The following PHETA1 variants were observed in gnomAD, a reference collection of about 807,000 sequenced individuals.
PHETA1 encodes PH domain containing endocytic trafficking adaptor 1, also known as sesquipedalian-1.
For synonymous variants in PHETA1, 155 were observed against 168.9 expected, an observed-to-expected ratio of 0.92 and a Z score of 0.64; for missense variants, 348 against 373.5, an observed-to-expected ratio of 0.93 and a Z score of 0.56.
chr12:111,361,895 G>A lies in PHETA1; in HGVS notation c.*783C>T. ...CCAGGCCTAGGGGCCAAGACTGAAG[G>A]ATGCAGTCAAGGAGTGTCTGGAGAG... On this transcript the variant is annotated 3_prime_UTR_variant, in exon 3 of 3. Coordinates refer to ENST00000683047, the MANE Select transcript of PHETA1 (RefSeq NM_144671.6). 2.2e-6 allele frequency: 1 copy of A among 456,128 alleles called. No individual in the cohort carries two copies. The highest frequency in any genetic ancestry group is 4.4e-6 in the Non-Finnish European group (1 of 226,892). 28.3% of individuals were successfully genotyped at this position (456,128 alleles called of 1,614,324 possible).
In PHETA1 at chr12:111,368,171, C is replaced by T. The variant is rs1041650297; in HGVS notation, c.-182+741G>A. ...TCCCTCTAAGGGCTGAGTGAATTGA[C>T]TCCTGAAGAGTCATTTTGCAAAATA... On this transcript the variant is annotated intron_variant, in intron 1 of 2. Coordinates refer to ENST00000683047, the MANE Select transcript of PHETA1 (RefSeq NM_144671.6). The surrounding 1 kb of genome is among the most constrained non-coding windows in gnomAD (Gnocchi z 5.0). Among the ~76,000 whole-genome samples the T allele has an allele frequency of 5.9e-5, 9 of 152,324 alleles. 1 individual carries two copies. Among genetic ancestry groups the T allele is most frequent in the Admixed American group, 2.0e-4 (3 of 15,294 alleles).
At position 111,361,969 on chromosome 12, in the gene PHETA1, G is replaced by A. The variant is rs999856682; in HGVS notation, c.*709C>T. ...CACAGACAGGGCCCGCGGCCAGAGA[G>A]CCACTGCCACCAGGAGCACCACCAT... is the stretch of plus-strand genomic sequence containing the variant. On this transcript the variant is annotated 3_prime_UTR_variant, in exon 3 of 3. Coordinates refer to ENST00000683047, the MANE Select transcript of PHETA1 (RefSeq NM_144671.6). 2.6e-5 allele frequency: 12 copies of A among 455,992 alleles called. No homozygotes were observed. The highest frequency in any genetic ancestry group is 4.0e-5 in the African/African-American group (2 of 50,066). 28.2% of individuals were successfully genotyped at this position (455,992 alleles called of 1,614,324 possible). A position where few individuals can be genotyped will look rare whatever the true frequency, so the allele number is the denominator to read the frequency against.
At chr12:111,364,695 C>T (rs1868917600) in intron 2 of PHETA1, among the ~76,000 whole-genome samples, 1 of 150,808 alleles carries the variant, frequency 6.6e-6, no homozygotes, top group Admixed American at 6.7e-5. Context: ...ACCCAAGAGG[C>T]GGAGGTTGCA....
rs1174128986 is a variant in PHETA1 at position 111,363,193 on chromosome 12, A to AG, written c.234dup (p.Phe79LeufsTer18). The AG allele has an allele frequency of 9.9e-6, 16 of 1,612,874 alleles. No homozygotes were observed. Among genetic ancestry groups the AG allele is most frequent in the African/African-American group, 1.3e-5 (1 of 74,932 alleles). ...CGGGTCCCCGCAAAGCGCACAGCGA[A>AG]GGCGAACTCCTCGGCGGCCTCCACC... is the stretch of plus-strand genomic sequence containing the variant. On this transcript the variant is annotated frameshift_variant, in exon 3 of 3. Transcript: ENST00000683047. LOFTEE classifies it low-confidence loss of function (END_TRUNC). The surrounding 1 kb of genome is among the most constrained non-coding windows in gnomAD (Gnocchi z 7.4).
In PHETA1 at chr12:111,363,867, G is replaced by T; in HGVS notation, c.-36-404C>A. 1.5e-6 allele frequency: 1 copy of T among 688,772 alleles called. No homozygotes were observed. Among genetic ancestry groups the T allele is most frequent in the Non-Finnish European group, 2.1e-6 (1 of 479,218 alleles). 42.7% of individuals were successfully genotyped at this position (688,772 alleles called of 1,614,324 possible). On this transcript the variant is annotated intron_variant, in intron 2 of 2. Transcript: ENST00000683047. The surrounding 1 kb of genome is among the most constrained non-coding windows in gnomAD (Gnocchi z 7.4). The stretch of plus-strand genomic sequence containing the variant: ...CTGCTTCCCTGGTGTCACAAAGCAG[G>T]TTGGGCAGGGCTGAAATCCAAACCC...
chr12:111,365,355 C>T (rs1868966883), intron 2 of PHETA1, among the ~76,000 whole-genome samples: 1 of 152,204 alleles, frequency 6.6e-6, no homozygotes. Flanking sequence ...TGGTGGCTCT[C>T]CTGGGAGCAG....
Position 111,362,348 on chromosome 12 carries a change from T to C in PHETA1, c.*330A>G. 1 of 543,276 alleles carries C rather than the reference T, an allele frequency of 1.8e-6. No individual in the cohort carries two copies. Among genetic ancestry groups the C allele is most frequent in the South Asian group, 2.1e-5 (1 of 47,416 alleles). 33.7% of individuals were successfully genotyped at this position (543,276 alleles called of 1,614,324 possible). ...TCTGAGCTGCAGGCCCGGCAATGCC[T>C]GTTGCCAGCACAGGCCTCTGCCCGG... On this transcript the variant is annotated 3_prime_UTR_variant, in exon 3 of 3. Transcript: ENST00000683047.
rs1869131872 is a variant in PHETA1 at position 111,367,997 on chromosome 12, T to G, written c.-182+915A>C. ...ACCTTTCCAAGTCTCAGTGTCCTCA[T>G]CTGTTAAATTGGGCTGTGTGGCGAG... On this transcript the variant is annotated intron_variant, in intron 1 of 2. Transcript: ENST00000683047. The surrounding 1 kb of genome is among the most constrained non-coding windows in gnomAD (Gnocchi z 4.0). 6.6e-6 allele frequency among the ~76,000 whole-genome samples: 1 copy of G among 152,186 alleles called. No homozygotes were observed. Among genetic ancestry groups the G allele is most frequent in the Non-Finnish European group, 1.5e-5 (1 of 68,030 alleles).
In PHETA1 at chr12:111,362,819, G is replaced by A. The variant is rs1421644132; in HGVS notation, c.609C>T (p.Pro203=). ...TEATFRPGPE[P]PPPPPRRRAS... is the part of the protein sequence containing the mutation. ...CCCGGCGGCGAGGCGGTGGTGGAGG[G>A]GGCTCGGGTCCAGGCCTGAAGGTGG... The change falls in exon 3 of 3, where the codon CCC becomes CCT. Residue 203 remains proline, a synonymous_variant. Coordinates refer to ENST00000683047, the MANE Select transcript of PHETA1 (RefSeq NM_144671.6). 6.5e-7 allele frequency: 1 copy of A among 1,538,946 alleles called. No individual in the cohort carries two copies. The highest frequency in any genetic ancestry group is 8.7e-7 in the Non-Finnish European group (1 of 1,145,624).
chr12:111,361,855 A>G lies in PHETA1; in HGVS notation c.*823T>C. The G allele has an allele frequency of 2.2e-6, 1 of 455,672 alleles. No homozygotes were observed. Among genetic ancestry groups the G allele is most frequent in the Non-Finnish European group, 4.4e-6 (1 of 226,588 alleles). 28.2% of individuals were successfully genotyped at this position (455,672 alleles called of 1,614,324 possible). On this transcript the variant is annotated 3_prime_UTR_variant, in exon 3 of 3. Coordinates refer to ENST00000683047, the MANE Select transcript of PHETA1 (RefSeq NM_144671.6). The stretch of plus-strand genomic sequence containing the variant: ...CCAGCCCAGGAAGGGAGGTCAGGCA[A>G]GCTCCCAAGGGGCCCCAGGCCTAGG...
At position 111,368,926 on chromosome 12, in the gene PHETA1, C is replaced by G. The variant is rs1869189845; in HGVS notation, c.-196G>C. On this transcript the variant is annotated 5_prime_UTR_variant, in exon 1 of 3. The change abolishes the stop of an existing upstream ORF in the 5' untranslated region. Transcript: ENST00000683047. This position sits in a 1 kb window ranked among gnomAD's most constrained non-coding sequence, Gnocchi z 5.0. ...GCCCGCCTTACCTCGCAGCGCAGGCCTAGGGCGGCGACGGGACGGGAGGCG... is the reference window on the plus strand; with the variant it reads ...GCCCGCCTTACCTCGCAGCGCAGGCGTAGGGCGGCGACGGGACGGGAGGCG... 1 of 152,500 alleles carries G rather than the reference C, an allele frequency of 6.6e-6. No individual in the cohort carries two copies. The highest frequency in any genetic ancestry group is 2.4e-5 in the African/African-American group (1 of 41,472). 9.4% of individuals were successfully genotyped at this position (152,500 alleles called of 1,614,324 possible). A position where few individuals can be genotyped will look rare whatever the true frequency, so the allele number is the denominator to read the frequency against.
chr12:111,363,830 C>CAG lies in PHETA1; in HGVS notation c.-36-369_-36-368dup. On this transcript the variant is annotated intron_variant, in intron 2 of 2. Coordinates refer to ENST00000683047, the MANE Select transcript of PHETA1 (RefSeq NM_144671.6). This position sits in a 1 kb window ranked among gnomAD's most constrained non-coding sequence, Gnocchi z 7.4. ...TGCAACAGATGAGGAAACAGAGGCA[C>CAG]AGAGAGGTTAACTGCTTCCCTGGTG... 9.3e-7 allele frequency: 1 copy of CAG among 1,072,698 alleles called. No individual in the cohort carries two copies. The highest frequency in any genetic ancestry group is 1.2e-6 in the Non-Finnish European group (1 of 806,538). 66.4% of individuals were successfully genotyped at this position (1,072,698 alleles called of 1,614,324 possible). A position where few individuals can be genotyped will look rare whatever the true frequency, so the allele number is the denominator to read the frequency against.
Position 111,363,624 on chromosome 12 carries a change from A to G in PHETA1, c.-36-161T>C, listed in dbSNP as rs1156882546. The G allele has an allele frequency of 1.3e-6, 2 of 1,534,594 alleles. No individual in the cohort carries two copies. Among genetic ancestry groups the G allele is most frequent in the Middle Eastern group, 1.7e-4 (1 of 5,988 alleles). ...GGCCTATGCGCCCACAACTCCTAAGAAGCAGAGACAGGACTGGAACCTGGG... is the reference window on the plus strand; with the variant it reads ...GGCCTATGCGCCCACAACTCCTAAGGAGCAGAGACAGGACTGGAACCTGGG... On this transcript the variant is annotated intron_variant, in intron 2 of 2. Transcript: ENST00000683047. The surrounding 1 kb of genome is among the most constrained non-coding windows in gnomAD (Gnocchi z 7.4).
chr12:111,367,646 G>A lies in PHETA1; in HGVS notation c.-182+1266C>T, dbSNP rs1193823997. On this transcript the variant is annotated intron_variant, in intron 1 of 2. Coordinates refer to ENST00000683047, the MANE Select transcript of PHETA1 (RefSeq NM_144671.6). This position sits in a 1 kb window ranked among gnomAD's most constrained non-coding sequence, Gnocchi z 4.0. ...TCCTGCTCAGCAACCCTCCTCCCCC[G>A]ACTGCCTAGATAGAGGCCAAACTGG... Among the ~76,000 whole-genome samples the A allele has an allele frequency of 6.6e-6, 1 of 152,282 alleles. No individual in the cohort carries two copies. The highest frequency in any genetic ancestry group is 2.4e-5 in the African/African-American group (1 of 41,566).
At position 111,367,020 on chromosome 12, in the gene PHETA1, CAA is replaced by C. The variant is rs925270790; in HGVS notation, c.-181-765_-181-764del. On this transcript the variant is annotated intron_variant, in intron 1 of 2. Coordinates refer to ENST00000683047, the MANE Select transcript of PHETA1 (RefSeq NM_144671.6). This position sits in a 1 kb window ranked among gnomAD's most constrained non-coding sequence, Gnocchi z 4.0. ...GGGGTGACATAGTGAGATTCTGTCT[CAA>C]AAAAAAAAAAAAAAAAATCCAAGCC... Among the ~76,000 whole-genome samples, 94 of 108,662 alleles carry C rather than the reference CAA, an allele frequency of 8.7e-4. No homozygotes were observed. Among genetic ancestry groups the C allele is most frequent in the African/African-American group, 1.8e-3 (55 of 29,908 alleles). 71.3% of individuals were successfully genotyped at this position (108,662 alleles called of 152,430 possible). A position where few individuals can be genotyped will look rare whatever the true frequency, so the allele number is the denominator to read the frequency against.
Position 111,367,057 on chromosome 12 carries a change from T to C in PHETA1, c.-181-800A>G, listed in dbSNP as rs1484906882. 6.6e-6 allele frequency among the ~76,000 whole-genome samples: 1 copy of C among 150,974 alleles called. No homozygotes were observed. The highest frequency in any genetic ancestry group is 1.9e-4 in the East Asian group (1 of 5,160). Reference sequence around the variant, plus strand: ...AAAAAAAATCCAAGCCTCCCTTGGCTTCCAAGTTCCCTTTCCCTACCTCTT... The same window carrying C: ...AAAAAAAATCCAAGCCTCCCTTGGCCTCCAAGTTCCCTTTCCCTACCTCTT... On this transcript the variant is annotated intron_variant, in intron 1 of 2. Transcript: ENST00000683047. This position sits in a 1 kb window ranked among gnomAD's most constrained non-coding sequence, Gnocchi z 4.0.
In PHETA1 at chr12:111,363,488, T is replaced by C. The variant is rs1308468072; in HGVS notation, c.-36-25A>G. The C allele has an allele frequency of 1.3e-6, 2 of 1,576,742 alleles. No individual in the cohort carries two copies. Among genetic ancestry groups the C allele is most frequent in the Non-Finnish European group, 1.7e-6 (2 of 1,162,868 alleles). On this transcript the variant is annotated intron_variant, in intron 2 of 2. Transcript: ENST00000683047. The surrounding 1 kb of genome is among the most constrained non-coding windows in gnomAD (Gnocchi z 7.4). Reference sequence around the variant, plus strand: ...CCTGGACCCCATAGAAGGGCTGTTATGCACAAGGCCACTGACGCTAGGTCA... The same window carrying C: ...CCTGGACCCCATAGAAGGGCTGTTACGCACAAGGCCACTGACGCTAGGTCA...
Position 111,362,668 on chromosome 12 carries a change from C to G in PHETA1, c.*10G>C. ...GCTTGTGTCCCCCTAAAACAGGCGCCCTGGTGGCCTCAGGGCTGGACCCGG... is the reference window on the plus strand; with the variant it reads ...GCTTGTGTCCCCCTAAAACAGGCGCGCTGGTGGCCTCAGGGCTGGACCCGG... On this transcript the variant is annotated 3_prime_UTR_variant, in exon 3 of 3. Transcript: ENST00000683047. 6.5e-7 allele frequency: 1 copy of G among 1,549,346 alleles called. No homozygotes were observed. The highest frequency in any genetic ancestry group is 2.4e-5 in the East Asian group (1 of 40,914).
In PHETA1 at chr12:111,362,014, T is replaced by C. The variant is rs375304309; in HGVS notation, c.*664A>G. ...CACCATGAGGCCTGGCAGGGGACTT[T>C]TGGCAGAGTCCTGCCTCAGCCAGCC... is the stretch of plus-strand genomic sequence containing the variant. On this transcript the variant is annotated 3_prime_UTR_variant, in exon 3 of 3. Coordinates refer to ENST00000683047, the MANE Select transcript of PHETA1 (RefSeq NM_144671.6). The C allele has an allele frequency of 3.9e-5, 18 of 455,938 alleles. 1 individual carries two copies. Among genetic ancestry groups the C allele is most frequent in the Middle Eastern group, 6.7e-4 (2 of 3,000 alleles). The allele number at this position is 455,938 out of a possible 1,614,324, so 28.2% of individuals were successfully genotyped here. A position where few individuals can be genotyped will look rare whatever the true frequency, so the allele number is the denominator to read the frequency against.
Sources: gnomAD v4.1 joint callset for allele counts (sites outside exome capture counted in the v4.1 genomes callset) on GRCh38, gnomAD v4.1.1 for gene constraint, Gnocchi (gnomAD v3.1) non-coding constraint, MANE v1.5 for transcripts, NCBI Gene and HGNC (gene_info 2026-07-23, HGNC 2026-07-21) for gene names.